CDH23: variants seen among roughly 807,000 people sequenced by gnomAD.
CDH23 encodes cadherin related 23.
A neutral mutation model predicts 317.1 loss-of-function variants in CDH23; 189 were observed. That is an observed-to-expected ratio of 0.60 (90% CI 0.53 to 0.67). The LOEUF (loss-of-function observed/expected upper bound fraction) is 0.67, where lower values mean the gene tolerates loss of function less well. CDH23 is among the 30% of genes least tolerant of loss of function. The pLI, the probability that CDH23 is intolerant of heterozygous loss-of-function variation, is 0.00. For synonymous variants in CDH23, 1,839 were observed against 1,876.8 expected, an observed-to-expected ratio of 0.98 and a Z score of 0.52; for missense variants, 4,401 against 4,592.4, an observed-to-expected ratio of 0.96 and a Z score of 1.20.
At chr10:71,533,870 C>T (rs1158484168) in intron 6 of CDH23, among the ~76,000 whole-genome samples, 1 of 152,086 alleles carries the variant, frequency 6.6e-6, no homozygotes, top group East Asian at 1.9e-4. Flanking sequence ...ATCTATAACT[C>T]TGTTCTAGGA....
At chr10:71,513,246 G>A (rs1330445171) in intron 6 of CDH23, among the ~76,000 whole-genome samples, 1 of 152,170 alleles carries the variant, frequency 6.6e-6, no homozygotes, top group Admixed American at 6.5e-5. Context: ...TGGGGATGTG[G>A]TATCAGCTGG....
At chr10:71,579,388 C>G (rs1858466842) in intron 9 of CDH23, among the ~76,000 whole-genome samples, 1 of 152,114 alleles carries the variant, frequency 6.6e-6, no homozygotes, top group Non-Finnish European at 1.5e-5. Context: ...TGCACCACCC[C>G]CTCCCCCATT....
At chr10:71,571,875 C>T (rs1857840894) in intron 8 of CDH23, among the ~76,000 whole-genome samples, 1 of 152,258 alleles carries the variant, frequency 6.6e-6, no homozygotes, top group African/African-American at 2.4e-5. Context: ...CACCCGCACC[C>T]CTGCACAGGC....
chr10:71,702,586 A>G lies in CDH23; in HGVS notation c.2625A>G (p.Thr875=), dbSNP rs1197099442. 3.7e-6 allele frequency: 6 copies of G among 1,613,980 alleles called. No individual in the cohort carries two copies. Among genetic ancestry groups the G allele is most frequent in the Non-Finnish European group, 5.1e-6 (6 of 1,179,894 alleles). ...CTCTGAAAGCCACCAGCAGTGCCAC[A>G]GTGTTTGTGAACCTCTTGGATCTCA... The part of the protein sequence containing the change: ...RPPLKATSSA[T]VFVNLLDLND... The change falls in exon 24 of 70, where the codon ACA becomes ACG. Residue 875 remains threonine (T), a synonymous_variant. Transcript: ENST00000224721.
Position 71,732,392 on chromosome 10 carries a change from AG to A in CDH23, c.4104+20del. The A allele has an allele frequency of 2.6e-6, 4 of 1,553,628 alleles. No individual in the cohort carries two copies. Among genetic ancestry groups the A allele is most frequent in the Non-Finnish European group, 3.5e-6 (4 of 1,147,992 alleles). ...GCCATCACGGTGAGGGGCTGGGGGC[AG>A]GGAGCACCATTTCTTCCAATCTAAC... is the stretch of plus-strand genomic sequence containing the variant. On this transcript the variant is annotated intron_variant, in intron 32 of 69. Transcript: ENST00000224721.
rs374059763 is a variant in CDH23 at position 71,807,850 on chromosome 10, G to A, written c.8565G>A (p.Val2855=). The change falls in exon 60 of 70, where the codon GTG becomes GTA. Residue 2855 remains valine, a synonymous_variant. Transcript: ENST00000224721. ...ACCACCTGCCTCTTCCTGCAGGGGT[G>A]GCCACCGACGCCAAGGTGGGCTCAG... ...RFTKAEYTAG[V]ATDAKVGSEL... 3.5e-5 allele frequency: 56 copies of A among 1,600,480 alleles called. No individual in the cohort carries two copies. Among genetic ancestry groups the A allele is most frequent in the Middle Eastern group, 3.3e-4 (2 of 6,070 alleles).
intron 41 of CDH23, among the ~76,000 whole-genome samples, chr10:71,780,216 A>G (rs1055664197): frequency 2.0e-5 from 3 of 152,188 alleles, no homozygotes; most frequent in Non-Finnish European, 4.4e-5. Context: ...TGTGCCGGCC[A>G]TGTTCCAAGA....
Position 71,680,926 on chromosome 10 carries a change from T to C in CDH23, c.1858+1434T>C, listed in dbSNP as rs1864617317. On this transcript the variant is annotated intron_variant, in intron 17 of 69. Coordinates refer to ENST00000224721, the MANE Select transcript of CDH23 (RefSeq NM_022124.6). The stretch of plus-strand genomic sequence containing the variant: ...TCATTGCAACCTCCGCCTTGTGGGT[T>C]CATACAATTCTCCAGCCTCAGCCTC... Among the ~76,000 whole-genome samples the C allele has an allele frequency of 2.0e-5, 3 of 148,402 alleles. No homozygotes were observed. The South Asian group carries it at 6.6e-4, about 33-fold the overall frequency.
rs1326910459 is a variant in CDH23 at position 71,759,962 on chromosome 10, CATATATAT to C, written c.4846-17716_4846-17709del. 3.4e-5 allele frequency among the ~76,000 whole-genome samples: 4 copies of C among 116,490 alleles called. 1 individual carries two copies. The highest frequency in any genetic ancestry group is 8.8e-5 in the African/African-American group (3 of 33,968). The allele number at this position is 116,490 out of a possible 152,430, so 76.4% of individuals were successfully genotyped here. On this transcript the variant is annotated intron_variant, in intron 38 of 69. Coordinates refer to ENST00000224721, the MANE Select transcript of CDH23 (RefSeq NM_022124.6). ...ACACACACACATATATATACACACACATATATATACACACACACATATATATACACACA... is the reference window on the plus strand; with the variant it reads ...ACACACACACATATATATACACACACACACACACACATATATATACACACA...
chr10:71,798,126 C>T lies in CDH23; in HGVS notation c.6830-228C>T, dbSNP rs369026770. The stretch of plus-strand genomic sequence containing the variant: ...TAGGAAACCGGGGCACAGGAAGGGC[C>T]GAGGGCTCCACCAGGGTCACCTAGC... On this transcript the variant is annotated intron_variant, in intron 49 of 69. Coordinates refer to ENST00000224721, the MANE Select transcript of CDH23 (RefSeq NM_022124.6). Among the ~76,000 whole-genome samples the T allele has an allele frequency of 8.7e-4, 132 of 152,150 alleles. 4 individuals carry two copies. The South Asian group carries it at 0.025, about 28-fold the overall frequency.
At position 71,528,936 on chromosome 10, in the gene CDH23, C is replaced by T. The variant is rs1481430817; in HGVS notation, c.429+17724C>T. Among the ~76,000 whole-genome samples, 5 of 152,332 alleles carry T rather than the reference C, an allele frequency of 3.3e-5. No homozygotes were observed. The East Asian group carries it at 9.7e-4, about 29-fold the overall frequency. On this transcript the variant is annotated intron_variant, in intron 6 of 69. Coordinates refer to ENST00000224721, the MANE Select transcript of CDH23 (RefSeq NM_022124.6). ...CAGAACAGGTTGTTTCCTGTGTCCC[C>T]AAGCCCCCTGCTCACTGCTTTGTCT...
At chr10:71,649,667 G>A (rs549609530) in intron 14 of CDH23, among the ~76,000 whole-genome samples, 53 of 152,330 alleles carry the variant, frequency 3.5e-4, no homozygotes, top group African/African-American at 1.3e-3. Flanking sequence ...AGTCAGCGCT[G>A]GCAGAACCCA....
rs549635782 is a variant in CDH23 at position 71,451,278 on chromosome 10, G to A, written c.145+4883G>A. Among the ~76,000 whole-genome samples the A allele has an allele frequency of 3.9e-5, 6 of 152,254 alleles. No homozygotes were observed. In the East Asian group the frequency reaches 5.8e-4, roughly 15 times the overall value. On this transcript the variant is annotated intron_variant, in intron 3 of 69. Coordinates refer to ENST00000224721, the MANE Select transcript of CDH23 (RefSeq NM_022124.6). The stretch of plus-strand genomic sequence containing the variant: ...CTGACTCGGCCCTCACCCACGCTGC[G>A]GCCTTTTTTATCCCAGCCATGGATG...
intron 19 of CDH23, among the ~76,000 whole-genome samples, chr10:71,689,352 GCCTGT>G (rs1440187484): frequency 6.6e-6 from 1 of 152,058 alleles, no homozygotes. Flanking sequence ...AGCCTACCCT[GCCTGT>G]CCTAGTCAGG....
At chr10:71,541,756 T>C (rs1174052843) in intron 6 of CDH23, among the ~76,000 whole-genome samples, 1 of 152,224 alleles carries the variant, frequency 6.6e-6, no homozygotes, top group African/African-American at 2.4e-5. Flanking sequence ...ATGGACTCTG[T>C]TGCAACCACT....
Position 71,511,231 on chromosome 10 carries a change from AC to A in CDH23, c.429+22del. The stretch of plus-strand genomic sequence containing the variant: ...CCCTGAGGTAGGAGCCACTGGGGTT[AC>A]CCTTGAGGGTATCAGAGACCTGCTG... On this transcript the variant is annotated intron_variant, in intron 6 of 69. Coordinates refer to ENST00000224721, the MANE Select transcript of CDH23 (RefSeq NM_022124.6). 2 of 1,606,200 alleles carry A rather than the reference AC, an allele frequency of 1.2e-6. No homozygotes were observed. Among genetic ancestry groups the A allele is most frequent in the Non-Finnish European group, 1.7e-6 (2 of 1,173,094 alleles).
At chr10:71,786,757 C>T (rs948733670) in intron 44 of CDH23, among the ~76,000 whole-genome samples, 50 of 152,174 alleles carry the variant, frequency 3.3e-4, no homozygotes, top group Non-Finnish European at 7.1e-4. Flanking sequence ...CTCAGCCTCC[C>T]AAAGTGCTGG....
chr10:71,702,495 C>G (rs1479692381), intron 23 of CDH23, 54 bp from the exon 24 acceptor site: 1 of 1,608,276 alleles, frequency 6.2e-7, no homozygotes, highest in African/African-American at 1.3e-5. Context: ...TGTCCGTTTT[C>G]TCTTGCACCC....
intron 1 of CDH23, among the ~76,000 whole-genome samples, chr10:71,432,121 G>A (rs987085209): frequency 3.3e-5 from 5 of 152,192 alleles, no homozygotes; most frequent in Non-Finnish European, 7.3e-5. Flanking sequence ...AGGAAGGAGG[G>A]GCCCTCCAGG....
Sources: gnomAD v4.1 joint callset for allele counts (sites outside exome capture counted in the v4.1 genomes callset) on GRCh38, gnomAD v4.1.1 for gene constraint, MANE v1.5 for transcripts, NCBI Gene and HGNC (gene_info 2026-07-23, HGNC 2026-07-21) for gene names.